Variants in STRN observed in about 807,000 individuals in gnomAD.
The protein encoded by STRN is striatin, also known as protein phosphatase 2 regulatory subunit B'''alpha.
STRN carries 53 observed loss-of-function variants against 96.3 expected under a neutral mutation model. The observed-to-expected ratio is 0.55, with a 90% confidence interval of 0.44 to 0.69. The LOEUF is 0.69. Ranked by LOEUF, STRN falls within the 30% of genes least tolerant of loss-of-function variation. The pLI, the probability that STRN is intolerant of heterozygous loss-of-function variation, is 0.00. For synonymous variants in STRN, 428 were observed against 355.9 expected (o/e 1.20, Z -2.28); for missense variants, 987 against 963.9 (o/e 1.02, Z -0.32).
intron 6 of STRN, among the ~76,000 whole-genome samples, chr2:36,896,156 A>AT (rs1276741114): frequency 6.6e-6 from 1 of 152,182 alleles, no homozygotes; most frequent in Non-Finnish European, 1.5e-5. Flanking sequence ...GGCAAAATCC[A>AT]TAAGAAGCAT....
At chr2:36,905,751 G>C in intron 3 of STRN, 133 bp from the exon 4 acceptor site, 1 of 682,440 alleles carries the variant, frequency 1.5e-6, no homozygotes, top group Non-Finnish European at 2.5e-6. Flanking sequence ...TATGTGTTAG[G>C]ATAATGTAAG....
chr2:36,906,493 G>GAATGAATGAATGAA (rs1389965524), intron 3 of STRN, among the ~76,000 whole-genome samples: 5 of 83,112 alleles, frequency 6.0e-5, no homozygotes, highest in East Asian at 3.7e-4. Context: ...GAATGAATGA[G>GAATGAATGAATGAA]TAACAAATAA....
intron 1 of STRN, among the ~76,000 whole-genome samples, chr2:36,964,187 G>T (rs1485592592): frequency 7.3e-6 from 1 of 137,854 alleles, no homozygotes; most frequent in Non-Finnish European, 1.5e-5. Context: ...GGGCGGGGCG[G>T]GGGGAAGGAT....
At chr2:36,884,110 AAAGAG>A (rs770027377) in intron 8 of STRN, 35 bp from the exon 9 acceptor site, 2 of 1,310,332 alleles carry the variant, frequency 1.5e-6, no homozygotes, top group Non-Finnish European at 2.0e-6. Flanking sequence ...AGGAGATAAA[AAAGAG>A]AAAAGAGAAT....
At chr2:36,873,137 A>G (rs1470752400) in intron 10 of STRN, among the ~76,000 whole-genome samples, 1 of 152,236 alleles carries the variant, frequency 6.6e-6, no homozygotes, top group Non-Finnish European at 1.5e-5. Flanking sequence ...AACTAGAAAA[A>G]GCCAAGCTTG....
chr2:36,900,892 C>CTAAA (rs533631408), intron 5 of STRN, among the ~76,000 whole-genome samples: 1,511 of 150,520 alleles, frequency 0.01, 18 homozygotes, highest in African/African-American at 0.018. Flanking sequence ...GACTCTGTCT[C>CTAAA]TAAATAAATA....
At chr2:36,861,803 A>T (rs1668489596) in intron 12 of STRN, among the ~76,000 whole-genome samples, 1 of 152,070 alleles carries the variant, frequency 6.6e-6, no homozygotes, top group African/African-American at 2.4e-5. Flanking sequence ...TCAAGGTTAC[A>T]TGTGCAGGTT....
chr2:36,948,312 C>A (rs1326265613), intron 1 of STRN, among the ~76,000 whole-genome samples: 1 of 151,832 alleles, frequency 6.6e-6, no homozygotes, highest in Non-Finnish European at 1.5e-5. Flanking sequence ...GTTGGCCAGG[C>A]TGGTCTCCAA....
At chr2:36,854,387 C>T (rs1241131609) in intron 15 of STRN, among the ~76,000 whole-genome samples, 1 of 152,136 alleles carries the variant, frequency 6.6e-6, no homozygotes, top group Non-Finnish European at 1.5e-5. Context: ...TTCATGCTTA[C>T]TTCCCCAAAC....
intron 6 of STRN, among the ~76,000 whole-genome samples, chr2:36,896,713 C>A (rs1348056868): frequency 6.6e-6 from 1 of 152,164 alleles, no homozygotes; most frequent in Non-Finnish European, 1.5e-5. Context: ...CTCTTAGTTC[C>A]ATTCTTTTTC....
chr2:36,928,726 C>T (rs1266725882), intron 1 of STRN, among the ~76,000 whole-genome samples: 12 of 149,582 alleles, frequency 8.0e-5, no homozygotes, highest in African/African-American at 2.2e-4. Context: ...GGGTGGATCA[C>T]GAGGTCAGGA....
At chr2:36,890,029 T>C (rs1159588917) in intron 7 of STRN, among the ~76,000 whole-genome samples, 3 of 152,160 alleles carry the variant, frequency 2.0e-5, no homozygotes, top group Non-Finnish European at 4.4e-5. Flanking sequence ...AAAACCAATC[T>C]CCGGTACCCT....
At chr2:36,929,387 C>CT (rs1004599686) in intron 1 of STRN, among the ~76,000 whole-genome samples, 16 of 150,986 alleles carry the variant, frequency 1.1e-4, no homozygotes, top group Non-Finnish European at 1.9e-4. Context: ...CCCCCCACCC[C>CT]TTTTTTTTTC....
At position 36,867,803 on chromosome 2, in the gene STRN, C is replaced by A; in HGVS notation, c.1547+11G>T. ...ATATCGGTTTAAAATAAAGAAAAAA[C>A]ATATACTTACTTATGGGCTCTGAAT... is the stretch of plus-strand genomic sequence containing the variant. On this transcript the variant is annotated intron_variant, in intron 12 of 17. Coordinates refer to ENST00000263918, the MANE Select transcript of STRN (RefSeq NM_003162.4). 1 of 1,538,908 alleles carries A rather than the reference C, an allele frequency of 6.5e-7. No homozygotes were observed. Among genetic ancestry groups the A allele is most frequent in the Admixed American group, 2.0e-5 (1 of 50,168 alleles).
At chr2:36,960,441 A>T (rs369724258) in intron 1 of STRN, among the ~76,000 whole-genome samples, 1 of 152,216 alleles carries the variant, frequency 6.6e-6, no homozygotes, top group Non-Finnish European at 1.5e-5. Flanking sequence ...CCAGCCTCAG[A>T]AAAGTTCATG....
rs780536982 is a variant in STRN at position 36,886,818 on chromosome 2, C to A, written c.940G>T (p.Asp314Tyr). 1.9e-6 allele frequency: 3 copies of A among 1,611,790 alleles called. No individual in the cohort carries two copies. The highest frequency in any genetic ancestry group is 1.3e-5 in the African/African-American group (1 of 74,888). The change falls in exon 8 of 18, where the codon GAC (aspartate) becomes TAC (tyrosine). Residue 314 changes from aspartate to tyrosine, a missense_variant. Coordinates refer to ENST00000263918, the MANE Select transcript of STRN (RefSeq NM_003162.4). ...CAGGCTTCAGGCATGAGACACTGGT[C>A]TTCCTTTTCTAAACAGAGTGAAACA... is the stretch of plus-strand genomic sequence containing the variant. ...AGDGTDWEKE[D>Y]QCLMPEAWNV...
chr2:36,911,890 A>C (rs1172197304), intron 3 of STRN, among the ~76,000 whole-genome samples: 1 of 152,122 alleles, frequency 6.6e-6, no homozygotes, highest in African/African-American at 2.4e-5. Flanking sequence ...CGATCCTACT[A>C]TTCCCTAGAA....
chr2:36,964,364 T>A (rs1665105440), intron 1 of STRN, among the ~76,000 whole-genome samples: 1 of 151,904 alleles, frequency 6.6e-6, no homozygotes. Flanking sequence ...CAAAAATCAT[T>A]CCCCACAACT....
At position 36,900,759 on chromosome 2, in the gene STRN, G is replaced by A. The variant is rs572629042; in HGVS notation, c.660-1101C>T. ...AATACAAAAATTAGCTGGGTGTAGTGGCGCATGCCTGTAGTCTCGGCTACT... is the reference window on the plus strand; with the variant it reads ...AATACAAAAATTAGCTGGGTGTAGTAGCGCATGCCTGTAGTCTCGGCTACT... On this transcript the variant is annotated intron_variant, in intron 5 of 17. Transcript: ENST00000263918. 2.0e-5 allele frequency among the ~76,000 whole-genome samples: 3 copies of A among 152,174 alleles called. No homozygotes were observed. The South Asian group carries it at 6.2e-4, about 32-fold the overall frequency.
Sources: gnomAD v4.1 joint callset for allele counts (sites outside exome capture counted in the v4.1 genomes callset) on GRCh38, gnomAD v4.1.1 for gene constraint, MANE v1.5 for transcripts, NCBI Gene and HGNC (gene_info 2026-07-23, HGNC 2026-07-21) for gene names.